Variants in UNC5D observed in about 807,000 individuals in gnomAD.
UNC5D encodes the protein netrin receptor UNC5D.
Under a neutral mutation model 105.4 loss-of-function variants are expected in UNC5D, and 39 were observed. The ratio of observed to expected loss-of-function variants is 0.37; its 90% confidence interval spans 0.29 to 0.48. The LOEUF is 0.48. Among genes scored for constraint, UNC5D ranks in the 20% least tolerant of loss-of-function variants. The pLI, the probability that UNC5D is intolerant of heterozygous loss-of-function variation, is 0.98. For missense variants in UNC5D, 991 were observed against 1,202.4 expected, an observed-to-expected ratio of 0.82 and a Z score of 2.60; for synonymous variants, 452 against 450.4, an observed-to-expected ratio of 1.00 and a Z score of -0.04.
intron 2 of UNC5D, among the ~76,000 whole-genome samples, chr8:35,565,526 T>C (rs926265868): frequency 6.6e-6 from 1 of 152,234 alleles, no homozygotes; most frequent in Non-Finnish European, 1.5e-5. Context: ...TCTCCTATTC[T>C]GTAGGTTGGC....
At chr8:35,760,866 G>T (rs1341110023) in intron 14 of UNC5D, among the ~76,000 whole-genome samples, 2 of 151,718 alleles carry the variant, frequency 1.3e-5, no homozygotes, top group East Asian at 1.9e-4. Context: ...GCATCATGAT[G>T]GTTAAAAAAA....
chr8:35,434,871 G>A (rs193235886), intron 1 of UNC5D, among the ~76,000 whole-genome samples: 1 of 152,178 alleles, frequency 6.6e-6, no homozygotes. Context: ...TAGACCTAAA[G>A]CAATGATGTG....
intron 4 of UNC5D, among the ~76,000 whole-genome samples, chr8:35,632,198 A>G (rs1479756841): frequency 1.3e-5 from 2 of 152,166 alleles, no homozygotes; most frequent in Non-Finnish European, 2.9e-5. Flanking sequence ...TGGGGCAGAA[A>G]AGTTTCCATT....
At chr8:35,577,928 T>A (rs1038376049) in intron 3 of UNC5D, among the ~76,000 whole-genome samples, 1 of 152,048 alleles carries the variant, frequency 6.6e-6, no homozygotes, top group Non-Finnish European at 1.5e-5. Context: ...TTCAATGATA[T>A]CCTTAGAAAA....
Position 35,456,559 on chromosome 8 carries a change from G to A in UNC5D, c.104-92733G>A, listed in dbSNP as rs558072000. 7.2e-5 allele frequency among the ~76,000 whole-genome samples: 11 copies of A among 152,298 alleles called. No homozygotes were observed. The East Asian group carries it at 1.5e-3, about 21-fold the overall frequency. ...GGGCTCCATGACCTTAAAGCATTGC[G>A]AGAACTGAGGGGTAGGGATCTCCCA... On this transcript the variant is annotated intron_variant, in intron 1 of 16. Transcript: ENST00000404895.
intron 1 of UNC5D, among the ~76,000 whole-genome samples, chr8:35,334,837 C>A (rs1416626279): frequency 6.6e-6 from 1 of 152,036 alleles, no homozygotes; most frequent in African/African-American, 2.4e-5. Context: ...TTTAAAACTG[C>A]CTGGTTTGAT....
chr8:35,492,096 CTT>C (rs547762251), intron 1 of UNC5D, among the ~76,000 whole-genome samples: 3 of 141,776 alleles, frequency 2.1e-5, no homozygotes, highest in African/African-American at 2.6e-5. Flanking sequence ...CACTTTTCTT[CTT>C]TTTTTTTTTT....
At chr8:35,319,335 C>T (rs917384439) in intron 1 of UNC5D, among the ~76,000 whole-genome samples, 1 of 152,092 alleles carries the variant, frequency 6.6e-6, no homozygotes, top group Admixed American at 6.6e-5. Context: ...TATGCCTCTA[C>T]TTGTTAGAAA....
chr8:35,467,600 A>T (rs992114262), intron 1 of UNC5D, among the ~76,000 whole-genome samples: 2 of 151,906 alleles, frequency 1.3e-5, no homozygotes, highest in African/African-American at 2.4e-5. Context: ...AAGAAGAAAA[A>T]ATCAGACTTG....
At chr8:35,656,863 GTCTT>G (rs916700356) in intron 4 of UNC5D, among the ~76,000 whole-genome samples, 11 of 151,818 alleles carry the variant, frequency 7.2e-5, no homozygotes, top group Non-Finnish European at 1.3e-4. Context: ...TGCCTTCTCA[GTCTT>G]TCTATCTTTC....
chr8:35,459,535 C>T (rs1808741270), intron 1 of UNC5D, among the ~76,000 whole-genome samples: 1 of 152,086 alleles, frequency 6.6e-6, no homozygotes, highest in African/African-American at 2.4e-5. Flanking sequence ...CATTTGAGGC[C>T]AAGTGTTCAA....
chr8:35,723,427 AT>A (rs1475654097), intron 9 of UNC5D, among the ~76,000 whole-genome samples: 1 of 152,128 alleles, frequency 6.6e-6, no homozygotes, highest in East Asian at 1.9e-4. Flanking sequence ...TATAGAACTG[AT>A]TTTTTAAGTG....
intron 2 of UNC5D, among the ~76,000 whole-genome samples, chr8:35,564,520 G>T (rs1023501339): frequency 3.9e-5 from 6 of 152,108 alleles, no homozygotes; most frequent in Non-Finnish European, 7.4e-5. Context: ...GTTCTCCAGA[G>T]CCTAGTGCCT....
At position 35,686,811 on chromosome 8, in the gene UNC5D, G is replaced by A; in HGVS notation, c.1084+102G>A. 2.8e-6 allele frequency: 4 copies of A among 1,440,966 alleles called. No homozygotes were observed. In the South Asian group the frequency reaches 5.6e-5, roughly 20 times the overall value. 89.3% of individuals were successfully genotyped at this position (1,440,966 alleles called of 1,614,324 possible). A position where few individuals can be genotyped will look rare whatever the true frequency, so the allele number is the denominator to read the frequency against. On this transcript the variant is annotated intron_variant, in intron 7 of 16. Coordinates refer to ENST00000404895, the MANE Select transcript of UNC5D (RefSeq NM_080872.4). The stretch of plus-strand genomic sequence containing the variant: ...ATTAATGTGGTTAAATAAGTTAGCA[G>A]AAAGCCAAGCTGCTAAGGGCAAAAA...
chr8:35,588,120 A>G (rs917102300), intron 3 of UNC5D, among the ~76,000 whole-genome samples: 2 of 151,592 alleles, frequency 1.3e-5, no homozygotes, highest in Non-Finnish European at 2.9e-5. Context: ...CAATGTGACA[A>G]TGACTGCTTT....
At chr8:35,641,366 C>CAAAAAAAAAAAAAAAAAAAGAAAA (rs1198851612) in intron 4 of UNC5D, among the ~76,000 whole-genome samples, 2 of 44,290 alleles carry the variant, frequency 4.5e-5, no homozygotes, top group Non-Finnish European at 8.5e-5. Flanking sequence ...AAAAATAAAG[C>CAAAAAAAAAAAAAAAAAAAGAAAA]AAAAAAAAAA....
At chr8:35,434,531 G>A (rs1806876021) in intron 1 of UNC5D, among the ~76,000 whole-genome samples, 1 of 151,720 alleles carries the variant, frequency 6.6e-6, no homozygotes, top group Admixed American at 6.6e-5. Context: ...GGCTTTTTTG[G>A]TAAGAAATTA....
chr8:35,603,574 C>A (rs1271162000), intron 4 of UNC5D, among the ~76,000 whole-genome samples: 2 of 151,738 alleles, frequency 1.3e-5, no homozygotes, highest in African/African-American at 4.8e-5. Flanking sequence ...TGGTGCAGAG[C>A]TGAGTTCAAT....
intron 4 of UNC5D, among the ~76,000 whole-genome samples, chr8:35,635,532 T>C (rs1822313906): frequency 6.6e-6 from 1 of 152,110 alleles, no homozygotes; most frequent in Non-Finnish European, 1.5e-5. Flanking sequence ...CTTGCCTGCT[T>C]GGAAAACATG....
Sources: gnomAD v4.1 joint callset for allele counts (sites outside exome capture counted in the v4.1 genomes callset) on GRCh38, gnomAD v4.1.1 for gene constraint, MANE v1.5 for transcripts, NCBI Gene and HGNC (gene_info 2026-07-23, HGNC 2026-07-21) for gene names.